Variants in RAB40C observed in about 807,000 individuals in gnomAD.
RAB40C encodes RAB40C, member RAS oncogene family, also known as ras-related protein Rab-40C.
Under a neutral mutation model 28.1 loss-of-function variants are expected in RAB40C, and 8 were observed. The observed-to-expected ratio is 0.28, with a 90% CI of 0.17 to 0.51. The LOEUF (loss-of-function observed/expected upper bound fraction) is 0.51. RAB40C is among the 20% of genes least tolerant of loss of function. The pLI is 0.97. For synonymous variants in RAB40C, 201 were observed against 171.7 expected (o/e 1.17, Z -1.34); for missense variants, 288 against 405.9 (o/e 0.71, Z 2.50).
In RAB40C at chr16:618,766, G is replaced by T. The variant is rs374493481; in HGVS notation, c.264+506G>T. ...GGTCTGGCGGACGCACTGGGGCCATGTGTGCAGTGTGTGCAGGTGTGGTGT... is the reference window on the plus strand; with the variant it reads ...GGTCTGGCGGACGCACTGGGGCCATTTGTGCAGTGTGTGCAGGTGTGGTGT... On this transcript the variant is annotated intron_variant, in intron 3 of 5. Transcript: ENST00000248139. Among the ~76,000 whole-genome samples the T allele has an allele frequency of 3.9e-4, 57 of 147,856 alleles. No homozygotes were observed. In the East Asian group the frequency reaches 0.01, roughly 27 times the overall value.
chr16:591,870 C>T (rs1177733098), intron 1 of RAB40C, among the ~76,000 whole-genome samples: 1 of 152,232 alleles, frequency 6.6e-6, no homozygotes, highest in African/African-American at 2.4e-5. Context: ...GCTGGGATTA[C>T]AGACGTGAGC....
chr16:596,939 G>C lies in RAB40C; in HGVS notation c.142+6506G>C, dbSNP rs561526134. 2.0e-5 allele frequency among the ~76,000 whole-genome samples: 3 copies of C among 152,358 alleles called. No individual in the cohort carries two copies. In the South Asian group the frequency reaches 6.2e-4, roughly 32 times the overall value. On this transcript the variant is annotated intron_variant, in intron 1 of 5. Transcript: ENST00000248139. ...GCAGTGCGCGGCTGTCTCGTGCTGA[G>C]ATCAGGATTTTGAGTAAAGCAGAGA...
chr16:627,497 T>C lies in RAB40C; in HGVS notation c.721T>C (p.Tyr241His). 1.2e-6 allele frequency: 2 copies of C among 1,613,914 alleles called. No homozygotes were observed. Among genetic ancestry groups the C allele is most frequent in the Non-Finnish European group, 1.7e-6 (2 of 1,180,012 alleles). ...MNAVMMHGRS[Y>H]SLASGAGGGG... The stretch of plus-strand genomic sequence containing the variant: ...CGCGGTCATGATGCACGGCCGTTCC[T>C]ACTCCCTGGCCAGCGGGGCCGGGGG... Residue 241 changes from tyrosine to histidine, a missense_variant, in exon 6 of 6, where the codon TAC becomes CAC. This residue lies in a region of RAB40C where 153 missense variants were observed against 262.4 expected (regional missense o/e 0.58). Coordinates refer to ENST00000248139, the MANE Select transcript of RAB40C (RefSeq NM_021168.5).
chr16:607,226 G>A (rs1267042859), intron 1 of RAB40C, among the ~76,000 whole-genome samples: 2 of 152,238 alleles, frequency 1.3e-5, no homozygotes, highest in Non-Finnish European at 2.9e-5. Flanking sequence ...CCTGGGCACG[G>A]TGGCTCAACC....
Position 617,283 on chromosome 16 carries a change from C to G in RAB40C, c.203+15C>G. 1 of 1,613,928 alleles carries G rather than the reference C, an allele frequency of 6.2e-7. No individual in the cohort carries two copies. Reference sequence around the variant, plus strand: ...CTGGAGCTCTGGTGAGTTGGGGCTGCGGCACTTCAGTTCCTGGGTGAGGAC... The same window carrying G: ...CTGGAGCTCTGGTGAGTTGGGGCTGGGGCACTTCAGTTCCTGGGTGAGGAC... On this transcript the variant is annotated intron_variant, in intron 2 of 5. Transcript: ENST00000248139.
intron 1 of RAB40C, among the ~76,000 whole-genome samples, chr16:616,459 C>T (rs553851853): frequency 2.6e-4 from 40 of 151,970 alleles, no homozygotes; most frequent in Non-Finnish European, 5.0e-4. Flanking sequence ...CTGCCTCAGC[C>T]TCCCGAGTAG....
intron 1 of RAB40C, among the ~76,000 whole-genome samples, chr16:594,322 C>T (rs563525734): frequency 6.6e-6 from 1 of 152,250 alleles, no homozygotes; most frequent in Non-Finnish European, 1.5e-5. Flanking sequence ...TCCTTTGAGC[C>T]TGGCAAGTTG....
chr16:625,778 C>T, intron 4 of RAB40C, 121 bp from the exon 5 acceptor site: 1 of 1,066,438 alleles, frequency 9.4e-7, no homozygotes, highest in South Asian at 1.5e-5. Context: ...TGACCTCCGC[C>T]CACCTTGACC....
chr16:592,593 G>T, intron 1 of RAB40C, among the ~76,000 whole-genome samples: 1 of 152,268 alleles, frequency 6.6e-6, no homozygotes, highest in East Asian at 1.9e-4. Context: ...TCCTGACTCA[G>T]GTGGTGGGCG....
intron 1 of RAB40C, among the ~76,000 whole-genome samples, chr16:600,974 G>A (rs1050393771): frequency 3.9e-5 from 6 of 152,162 alleles, no homozygotes; most frequent in African/African-American, 1.4e-4. Context: ...GGAGGAAGGG[G>A]CCCTCTGGCA....
Position 591,596 on chromosome 16 carries a change from CT to C in RAB40C, c.142+1177del, listed in dbSNP as rs1015313465. ...TGTTTTGTTTTCTTTTCTTTTCTTT[CT>C]TTTTTTTTTTTTTGAGACGGAGTCT... is the stretch of plus-strand genomic sequence containing the variant. On this transcript the variant is annotated intron_variant, in intron 1 of 5. Coordinates refer to ENST00000248139, the MANE Select transcript of RAB40C (RefSeq NM_021168.5). Among the ~76,000 whole-genome samples the C allele has an allele frequency of 1.7e-3, 247 of 144,362 alleles. 1 individual carries two copies. Among genetic ancestry groups the C allele is most frequent in the Non-Finnish European group, 1.5e-3 (98 of 65,398 alleles). The allele number at this position is 144,362 out of a possible 152,430, so 94.7% of individuals were successfully genotyped here.
intron 1 of RAB40C, among the ~76,000 whole-genome samples, chr16:598,561 CAAAAAAAAAAAAA>C (rs938034632): frequency 1.8e-5 from 1 of 54,950 alleles, no homozygotes; most frequent in Non-Finnish European, 3.9e-5. Context: ...CTCTGTCTCA[CAAAAAAAAAAAAA>C]AAAAAAGAAA....
chr16:610,118 C>T lies in RAB40C; in HGVS notation c.143-7090C>T, dbSNP rs2036452933. 6.6e-6 allele frequency among the ~76,000 whole-genome samples: 1 copy of T among 152,108 alleles called. No individual in the cohort carries two copies. On this transcript the variant is annotated intron_variant, in intron 1 of 5. Coordinates refer to ENST00000248139, the MANE Select transcript of RAB40C (RefSeq NM_021168.5). The surrounding 1 kb of genome is among the most constrained non-coding windows in gnomAD (Gnocchi z 4.6). Reference sequence around the variant, plus strand: ...CTTGCTGAGACTTGGTCTCCTGTAGCTGGTGGGGAAGCGGCACCCTGTGCG... The same window carrying T: ...CTTGCTGAGACTTGGTCTCCTGTAGTTGGTGGGGAAGCGGCACCCTGTGCG...
At chr16:599,638 T>C (rs35067229) in intron 1 of RAB40C, among the ~76,000 whole-genome samples, 42,835 of 106,944 alleles carry the variant, frequency 0.4, 9,135 homozygotes, top group East Asian at 0.64. Context: ...CTCGTGGCAT[T>C]AATCAGCGTG....
intron 3 of RAB40C, among the ~76,000 whole-genome samples, chr16:622,621 C>T (rs936106923): frequency 6.6e-6 from 1 of 152,232 alleles, no homozygotes; most frequent in Non-Finnish European, 1.5e-5. Context: ...CATTCTCCTG[C>T]CTCAGGCTCC....
Position 628,618 on chromosome 16 carries a change from G to GGCTAT in RAB40C, c.*998_*999insTATGC, listed in dbSNP as rs2036893274. 2.0e-5 allele frequency: 3 copies of GGCTAT among 152,528 alleles called. No individual in the cohort carries two copies. Among genetic ancestry groups the GGCTAT allele is most frequent in the Non-Finnish European group, 4.4e-5 (3 of 68,128 alleles). 9.4% of individuals were successfully genotyped at this position (152,528 alleles called of 1,614,324 possible). ...TCCACCTGGGGGCCTCGGGAGGCTA[G>GGCTAT]GCCCCTCCTCAAAGGCCCACCAGCC... is the stretch of plus-strand genomic sequence containing the variant. On this transcript the variant is annotated 3_prime_UTR_variant, in exon 6 of 6. Transcript: ENST00000248139.
chr16:608,047 A>G (rs535226746), intron 1 of RAB40C, among the ~76,000 whole-genome samples: 19 of 152,034 alleles, frequency 1.2e-4, no homozygotes, highest in African/African-American at 4.6e-4. Context: ...ACGCCCATGT[A>G]CTCACCTGTT....
intron 3 of RAB40C, chr16:624,030 A>C (rs1056675586): frequency 1.0e-6 from 1 of 985,284 alleles, no homozygotes; most frequent in African/African-American, 1.7e-5. Flanking sequence ...ACGCTTTTAC[A>C]TGCACTGCTG....
chr16:624,834 T>C, intron 3 of RAB40C: 16 of 985,442 alleles, frequency 1.6e-5, no homozygotes, highest in Non-Finnish European at 1.9e-5. Flanking sequence ...GAGCCATGAC[T>C]GTCACTGCCG....
Sources: allele counts gnomAD v4.1 joint callset (sites outside exome capture counted in the v4.1 genomes callset), GRCh38; gene constraint gnomAD v4.1.1; regional missense constraint gnomAD v4.1.1; non-coding constraint Gnocchi (gnomAD v3.1); transcripts MANE v1.5; gene names NCBI Gene and HGNC (gene_info 2026-07-23, HGNC 2026-07-21).